Variants in PLEKHH2 observed in about 807,000 individuals in gnomAD.
PLEKHH2 encodes pleckstrin homology domain-containing family H member 2.
Under a neutral mutation model 187.9 loss-of-function variants are expected in PLEKHH2, and 129 were observed. The observed-to-expected ratio is 0.69, with a 90% CI of 0.59 to 0.79. The LOEUF is 0.79. PLEKHH2 is among the 30% of genes least tolerant of loss of function. PLEKHH2 has a pLI of 0.00. For missense variants in PLEKHH2, 2,076 were observed against 1,751.2 expected (o/e 1.19, Z -3.31); for synonymous variants, 686 against 605.6 (o/e 1.13, Z -1.95).
At chr2:43,726,522 C>A in intron 17 of PLEKHH2, 71 bp downstream of exon 17, 1 of 1,403,682 alleles carries the variant, frequency 7.1e-7, no homozygotes, top group South Asian at 1.3e-5. Context: ...TAATAATTAT[C>A]AAATCAATTT....
chr2:43,689,913 G>A (rs777398459), intron 3 of PLEKHH2, among the ~76,000 whole-genome samples: 2 of 152,228 alleles, frequency 1.3e-5, no homozygotes, highest in East Asian at 1.9e-4. Flanking sequence ...GCAACAATAG[G>A]ACTATTTTAT....
At position 43,708,579 on chromosome 2, in the gene PLEKHH2, T is replaced by C. The variant is rs115113032; in HGVS notation, c.1966+1034T>C. ...CCAGCTCTTTTTATTCCCTTTAGTC[T>C]GCTCTATGTTTTATTGTTCCATACC... On this transcript the variant is annotated intron_variant, in intron 11 of 29. Coordinates refer to ENST00000282406, the MANE Select transcript of PLEKHH2 (RefSeq NM_172069.4). Among the ~76,000 whole-genome samples, 697 of 152,348 alleles carry C rather than the reference T, an allele frequency of 4.6e-3. 5 individuals carry two copies. The highest frequency in any genetic ancestry group is 0.016 in the African/African-American group (660 of 41,574).
intron 3 of PLEKHH2, among the ~76,000 whole-genome samples, chr2:43,687,064 G>A (rs997500817): frequency 6.6e-6 from 1 of 152,140 alleles, no homozygotes; most frequent in African/African-American, 2.4e-5. Context: ...ATTACGTGAT[G>A]CTGAGGTTTG....
Position 43,700,170 on chromosome 2 carries a change from C to G in PLEKHH2, c.1212C>G (p.Ala404=). The change falls in exon 8 of 30, where the codon GCC becomes GCG. Residue 404 remains alanine, a synonymous_variant. Transcript: ENST00000282406. ...RLDYSSSSSE[A]NTPSPILTPA... ...ATTATTCATCTTCATCGAGTGAAGC[C>G]AACACCCCAAGCCCTATTTTGACCC... The G allele has an allele frequency of 6.2e-7, 1 of 1,613,986 alleles. No homozygotes were observed. The highest frequency in any genetic ancestry group is 8.5e-7 in the Non-Finnish European group (1 of 1,179,988).
chr2:43,638,533 G>C (rs532419565), intron 1 of PLEKHH2, among the ~76,000 whole-genome samples: 1 of 152,220 alleles, frequency 6.6e-6, no homozygotes, highest in South Asian at 2.1e-4. Flanking sequence ...AAAATCACTG[G>C]GGGTATTTGG....
intron 28 of PLEKHH2, among the ~76,000 whole-genome samples, chr2:43,763,978 C>G (rs1420243555): frequency 6.6e-6 from 1 of 151,562 alleles, no homozygotes; most frequent in Non-Finnish European, 1.5e-5. Context: ...TTATTTTTTT[C>G]TTATATTTTC....
At position 43,700,418 on chromosome 2, in the gene PLEKHH2, C is replaced by T; in HGVS notation, c.1460C>T (p.Thr487Ile). The T allele has an allele frequency of 1.9e-6, 3 of 1,614,070 alleles. No homozygotes were observed. The highest frequency in any genetic ancestry group is 2.5e-6 in the Non-Finnish European group (3 of 1,179,994). Reference sequence around the variant, plus strand: ...ATACGACCACTGAGACCTCAGGAAACTGATCTTGATCTAGTTGATGGAGAC... The same window carrying T: ...ATACGACCACTGAGACCTCAGGAAATTGATCTTGATCTAGTTGATGGAGAC... ...SMIRPLRPQE[T>I]DLDLVDGDST... The change falls in exon 8 of 30, where the codon ACT becomes ATT. Residue 487 changes from threonine to isoleucine, a missense_variant. Transcript: ENST00000282406.
chr2:43,711,928 A>G (rs2104520602), intron 14 of PLEKHH2: 1 of 1,067,580 alleles, frequency 9.4e-7, no homozygotes, highest in Non-Finnish European at 1.1e-6. Context: ...GGAACCTGTA[A>G]CACATTTAAG....
intron 27 of PLEKHH2, among the ~76,000 whole-genome samples, chr2:43,761,020 C>T (rs1672408218): frequency 2.0e-5 from 3 of 152,172 alleles, no homozygotes; most frequent in Admixed American, 2.0e-4. Flanking sequence ...ATATATACCA[C>T]ATTTTGTTTA....
At chr2:43,654,928 G>A (rs1666675962) in intron 2 of PLEKHH2, among the ~76,000 whole-genome samples, 1 of 152,158 alleles carries the variant, frequency 6.6e-6, no homozygotes, top group African/African-American at 2.4e-5. Flanking sequence ...TCAGGAGGCT[G>A]AGGCGGGGGT....
intron 3 of PLEKHH2, chr2:43,680,637 A>G: frequency 3.4e-6 from 1 of 293,386 alleles, no homozygotes; most frequent in South Asian, 3.6e-5. Context: ...TAATTTTGGA[A>G]GTTGCAGTGT....
chr2:43,724,962 G>T (rs1473183496), intron 16 of PLEKHH2, among the ~76,000 whole-genome samples: 2 of 152,196 alleles, frequency 1.3e-5, no homozygotes, highest in South Asian at 2.1e-4. Flanking sequence ...CAGACAGAGT[G>T]AGTTTAGAGC....
chr2:43,724,311 C>T (rs111639074), intron 16 of PLEKHH2, among the ~76,000 whole-genome samples: 24 of 152,280 alleles, frequency 1.6e-4, no homozygotes, highest in Admixed American at 9.2e-4. Context: ...CAGCACTGAG[C>T]CCTGAAACTT....
At chr2:43,676,797 G>C (rs1323907647) in intron 2 of PLEKHH2, among the ~76,000 whole-genome samples, 1 of 152,006 alleles carries the variant, frequency 6.6e-6, no homozygotes, top group Non-Finnish European at 1.5e-5. Flanking sequence ...TTTAATCAAA[G>C]AATCTCTTCT....
At chr2:43,709,792 T>A (rs1240223142) in intron 11 of PLEKHH2, among the ~76,000 whole-genome samples, 198 bp from the exon 12 acceptor site, 1 of 152,136 alleles carries the variant, frequency 6.6e-6, no homozygotes, top group Non-Finnish European at 1.5e-5. Context: ...GCCGAGATTG[T>A]GCCAGTGCAC....
At chr2:43,733,830 AT>A (rs1440458049) in intron 19 of PLEKHH2, among the ~76,000 whole-genome samples, 1 of 152,124 alleles carries the variant, frequency 6.6e-6, no homozygotes, top group Non-Finnish European at 1.5e-5. Context: ...CATTTTTAAA[AT>A]TTCTATAATG....
At position 43,732,379 on chromosome 2, in the gene PLEKHH2, T is replaced by C. The variant is rs141117538; in HGVS notation, c.2943+777T>C. On this transcript the variant is annotated intron_variant, in intron 19 of 29. Coordinates refer to ENST00000282406, the MANE Select transcript of PLEKHH2 (RefSeq NM_172069.4). ...AATAAGTCTCAAAAAAAAAAAATTA[T>C]CAAAGAATTTTAGCTCCCAACTCAC... 2.6e-3 allele frequency among the ~76,000 whole-genome samples: 402 copies of C among 152,002 alleles called. 1 individual carries two copies. Among genetic ancestry groups the C allele is most frequent in the African/African-American group, 9.2e-3 (383 of 41,474 alleles).
chr2:43,660,437 T>A lies in PLEKHH2; in HGVS notation c.123+15641T>A, dbSNP rs1189206055. ...GTCTATGGTAAACATATGTTTAACT[T>A]TTTTTTTTTTTTTTTTTGCCAATTA... On this transcript the variant is annotated intron_variant, in intron 2 of 29. Coordinates refer to ENST00000282406, the MANE Select transcript of PLEKHH2 (RefSeq NM_172069.4). Among the ~76,000 whole-genome samples the A allele has an allele frequency of 5.6e-5, 8 of 142,662 alleles. No homozygotes were observed. The South Asian group carries it at 1.7e-3, about 31-fold the overall frequency. The allele number at this position is 142,662 out of a possible 152,430, so 93.6% of individuals were successfully genotyped here.
intron 2 of PLEKHH2, among the ~76,000 whole-genome samples, chr2:43,667,106 T>G (rs903627086): frequency 2.6e-5 from 4 of 152,152 alleles, no homozygotes; most frequent in African/African-American, 9.7e-5. Flanking sequence ...ATTACAAGGA[T>G]TTTTTTCTAG....
Sources: gnomAD v4.1 joint callset for allele counts (sites outside exome capture counted in the v4.1 genomes callset) on GRCh38, gnomAD v4.1.1 for gene constraint, MANE v1.5 for transcripts, NCBI Gene and HGNC (gene_info 2026-07-23, HGNC 2026-07-21) for gene names.